The following ANKS1B variants were observed in gnomAD, a reference collection of about 807,000 sequenced individuals.
ANKS1B encodes ankyrin repeat and sterile alpha motif domain-containing protein 1B.
A neutral mutation model predicts 148.3 loss-of-function variants in ANKS1B; 36 were observed. That is an observed-to-expected ratio of 0.24 (90% confidence interval 0.19 to 0.32). ANKS1B has a LOEUF of 0.32. Ranked by LOEUF, ANKS1B falls within the 10% of genes least tolerant of loss-of-function variation. The pLI is 1.00. For synonymous variants in ANKS1B, 542 were observed against 560.8 expected, an observed-to-expected ratio of 0.97 and a Z score of 0.47; for missense variants, 1,157 against 1,542.6, an observed-to-expected ratio of 0.75 and a Z score of 4.19.
intron 8 of ANKS1B, among the ~76,000 whole-genome samples, chr12:99,703,851 G>A (rs1035064739): frequency 6.6e-6 from 1 of 151,986 alleles, no homozygotes; most frequent in Non-Finnish European, 1.5e-5. Context: ...TTGATAAATC[G>A]AAAAATCTAA....
chr12:99,180,424 T>A (rs1042355952), intron 14 of ANKS1B, among the ~76,000 whole-genome samples: 2 of 152,200 alleles, frequency 1.3e-5, no homozygotes, highest in African/African-American at 4.8e-5. Flanking sequence ...ATTATAGGAA[T>A]CAGACATGTA....
chr12:99,083,784 T>G (rs1879878812), intron 16 of ANKS1B: 1 of 152,154 alleles, frequency 6.6e-6, no homozygotes, highest in Admixed American at 6.5e-5. Context: ...AAATTTGTTT[T>G]TATATGGTTC....
At chr12:99,660,865 C>T (rs1425805831) in intron 8 of ANKS1B, among the ~76,000 whole-genome samples, 1 of 151,884 alleles carries the variant, frequency 6.6e-6, no homozygotes, top group Non-Finnish European at 1.5e-5. Flanking sequence ...TGTATCCCAC[C>T]ACTAATCTGG....
Position 99,246,328 on chromosome 12 carries a change from T to C in ANKS1B, c.2293A>G (p.Ser765Gly), listed in dbSNP as rs200534823. ...GTTCTTTCAGAATTCCCTTTAGAAC[T>C]GTGTTCAGCAGTGGAAGATTCACTC... The part of the protein sequence containing the change: ...NWSESSTAEH[S>G]SKGNSERTPS... The change falls in exon 13 of 27, where the codon AGT becomes GGT. Residue 765 changes from serine (S) to glycine (G), a missense_variant. By Grantham distance (56) the Ser-to-Gly change is moderately conservative. Coordinates refer to ENST00000683438, the MANE Select transcript of ANKS1B (RefSeq NM_001352186.2). The C allele has an allele frequency of 1.6e-4, 263 of 1,610,888 alleles. No homozygotes were observed. In the African/African-American group the frequency reaches 2.8e-3, roughly 17 times the overall value.
intron 1 of ANKS1B, among the ~76,000 whole-genome samples, chr12:99,900,109 G>A (rs2093541184): frequency 6.6e-6 from 1 of 151,884 alleles, no homozygotes; most frequent in Non-Finnish European, 1.5e-5. Flanking sequence ...ATGTTGACCA[G>A]GCTGGTCTCA....
At chr12:98,798,491 T>TAAA (rs770480470) in intron 22 of ANKS1B, among the ~76,000 whole-genome samples, 7 of 143,052 alleles carry the variant, frequency 4.9e-5, no homozygotes, top group African/African-American at 1.5e-4. Flanking sequence ...TTTAAAAAAA[T>TAAA]AAAAAAAAAA....
At chr12:99,538,447 T>G (rs772299938) in intron 9 of ANKS1B, among the ~76,000 whole-genome samples, 1 of 152,168 alleles carries the variant, frequency 6.6e-6, no homozygotes, top group African/African-American at 2.4e-5. Context: ...CAATGGTTTA[T>G]AGTTTTCATC....
intron 15 of ANKS1B, among the ~76,000 whole-genome samples, chr12:99,114,225 A>G (rs2060872677): frequency 1.3e-5 from 2 of 152,222 alleles, no homozygotes; most frequent in Admixed American, 1.3e-4. Flanking sequence ...ATTTGTGTCT[A>G]TGATGATTGT....
chr12:99,641,544 T>C (rs544980105), intron 9 of ANKS1B, among the ~76,000 whole-genome samples: 1 of 152,248 alleles, frequency 6.6e-6, no homozygotes, highest in Non-Finnish European at 1.5e-5. Flanking sequence ...GTGAAACAAA[T>C]GGATGGAAAG....
intron 24 of ANKS1B, among the ~76,000 whole-genome samples, chr12:98,776,504 T>C (rs867186518): frequency 2.0e-5 from 3 of 152,152 alleles, no homozygotes; most frequent in Non-Finnish European, 2.9e-5. Context: ...TAGGGAGAGA[T>C]GGTTTTGCCT....
intron 17 of ANKS1B, among the ~76,000 whole-genome samples, chr12:98,848,606 TG>T (rs1332662432): frequency 8.6e-5 from 13 of 151,388 alleles, no homozygotes; most frequent in Middle Eastern, 3.4e-3. Flanking sequence ...TCGCCCAGGC[TG>T]GAGTACAGTG....
chr12:99,682,628 G>A (rs1294156391), intron 8 of ANKS1B, among the ~76,000 whole-genome samples: 2 of 152,122 alleles, frequency 1.3e-5, no homozygotes, highest in East Asian at 3.9e-4. Context: ...AAAGTTCATA[G>A]CATTAAATGC....
chr12:98,828,963 A>G lies in ANKS1B; in HGVS notation c.3066+211T>C, dbSNP rs371584568. ...GATCAGACATAATTTCTTCAGCAGG[A>G]ATGCATAACAAGGACATGTGTACAC... On this transcript the variant is annotated intron_variant, in intron 19 of 26. Coordinates refer to ENST00000683438, the MANE Select transcript of ANKS1B (RefSeq NM_001352186.2). 4.6e-5 allele frequency among the ~76,000 whole-genome samples: 7 copies of G among 152,214 alleles called. No individual in the cohort carries two copies. In the East Asian group the frequency reaches 5.8e-4, roughly 13 times the overall value.
intron 1 of ANKS1B, among the ~76,000 whole-genome samples, chr12:99,930,578 G>A (rs1219736150): frequency 2.6e-5 from 4 of 152,152 alleles, no homozygotes; most frequent in African/African-American, 7.2e-5. Flanking sequence ...TCTTGTGCCC[G>A]TTTTCAAAGG....
intron 8 of ANKS1B, among the ~76,000 whole-genome samples, chr12:99,657,659 A>ATATATATATATATATATATATATT (rs66516058): frequency 4.2e-4 from 61 of 146,830 alleles, no homozygotes; most frequent in East Asian, 2.2e-3. Context: ...ATATATATAT[A>ATATATATATATATATATATATATT]TGATAAAGTT....
intron 17 of ANKS1B, among the ~76,000 whole-genome samples, chr12:98,865,423 C>T (rs956613684): frequency 6.6e-6 from 1 of 152,242 alleles, no homozygotes; most frequent in Non-Finnish European, 1.5e-5. Context: ...ATTTAACAAG[C>T]GTTAGCTGAG....
At chr12:99,722,547 A>C (rs2133878) in intron 8 of ANKS1B, among the ~76,000 whole-genome samples, 64,135 of 152,012 alleles carry the variant, frequency 0.42, 13,956 homozygotes, top group South Asian at 0.57. Flanking sequence ...TGCTTAAAAA[A>C]AGATTCCTTT....
At chr12:99,522,916 T>C (rs1482757315) in intron 9 of ANKS1B, among the ~76,000 whole-genome samples, 7 of 152,186 alleles carry the variant, frequency 4.6e-5, no homozygotes, top group African/African-American at 1.7e-4. Flanking sequence ...TGCAAGGTCT[T>C]ATTCATCAAA....
intron 16 of ANKS1B, among the ~76,000 whole-genome samples, chr12:99,081,475 G>C (rs1210035881): frequency 6.6e-6 from 1 of 152,148 alleles, no homozygotes; most frequent in East Asian, 1.9e-4. Flanking sequence ...TGAATGTGCT[G>C]GCAATAAAAT....
Sources: gnomAD v4.1 joint callset for allele counts (sites outside exome capture counted in the v4.1 genomes callset) on GRCh38, gnomAD v4.1.1 for gene constraint, MANE v1.5 for transcripts, NCBI Gene and HGNC (gene_info 2026-07-23, HGNC 2026-07-21) for gene names.